Variants in LRSAM1 observed in about 807,000 individuals in gnomAD.
The protein encoded by LRSAM1 is leucine rich repeat and sterile alpha motif containing 1.
A neutral mutation model predicts 118.1 loss-of-function variants in LRSAM1; 96 were observed. The ratio of observed to expected loss-of-function variants is 0.81; its 90% CI spans 0.69 to 0.96. The LOEUF (loss-of-function observed/expected upper bound fraction) is 0.96, where lower values mean the gene tolerates loss of function less well. LRSAM1 is among the 40% of genes least tolerant of loss of function. The probability of loss-of-function intolerance (pLI) is 0.00; values close to 1 mark genes in which losing one functional copy is unlikely to be tolerated. For synonymous variants in LRSAM1, 322 were observed against 364.2 expected, an observed-to-expected ratio of 0.88 and a Z score of 1.32; for missense variants, 804 against 915.5, an observed-to-expected ratio of 0.88 and a Z score of 1.57.
rs924817522 is a variant in LRSAM1 at position 127,478,829 on chromosome 9, G to A, written c.751-105G>A. 5.4e-6 allele frequency: 6 copies of A among 1,119,128 alleles called. No homozygotes were observed. The African/African-American group carries it at 6.2e-5, about 11-fold the overall frequency. 69.3% of individuals were successfully genotyped at this position (1,119,128 alleles called of 1,614,324 possible). A position where few individuals can be genotyped will look rare whatever the true frequency, so the allele number is the denominator to read the frequency against. ...ATTCTGAGGCAGTGGTCTGGGGTGG[G>A]CCAGAGTTTGTATAACATCAGGCCA... On this transcript the variant is annotated intron_variant, in intron 11 of 25. Transcript: ENST00000300417.
intron 9 of LRSAM1, among the ~76,000 whole-genome samples, chr9:127,466,504 ATT>A (rs869115663): frequency 1.1e-3 from 28 of 24,504 alleles, no homozygotes; most frequent in African/African-American, 1.8e-3. Context: ...ATATATATAT[ATT>A]TTTTTTTTTT....
intron 22 of LRSAM1, among the ~76,000 whole-genome samples, 169 bp downstream of exon 22, chr9:127,495,587 T>TC (rs1288891297): frequency 1.3e-5 from 2 of 152,154 alleles, no homozygotes; most frequent in Admixed American, 1.3e-4. Flanking sequence ...AAGGGAGTGT[T>TC]CATTCTGGTG....
chr9:127,486,783 G>A (rs911041535), intron 17 of LRSAM1: 1 of 152,214 alleles, frequency 6.6e-6, no homozygotes. Context: ...TTTGATGAGT[G>A]TTGATGAGCA....
At chr9:127,476,213 C>G (rs1835345393) in intron 11 of LRSAM1, among the ~76,000 whole-genome samples, 1 of 152,204 alleles carries the variant, frequency 6.6e-6, no homozygotes, top group African/African-American at 2.4e-5. Flanking sequence ...GCCCCTGGGT[C>G]ATGTGCACAC....
intron 22 of LRSAM1, 133 bp from the exon 23 acceptor site, chr9:127,495,831 A>T: frequency 7.4e-7 from 1 of 1,351,602 alleles, no homozygotes; most frequent in African/African-American, 1.4e-5. Flanking sequence ...GTGCCTACCT[A>T]TGAGTTTTTG....
intron 23 of LRSAM1, among the ~76,000 whole-genome samples, chr9:127,496,383 A>G (rs1467451745): frequency 6.6e-6 from 1 of 152,138 alleles, no homozygotes; most frequent in Non-Finnish European, 1.5e-5. Context: ...GGCTTATCTG[A>G]TCCAGCCTCT....
chr9:127,490,186 C>T (rs1283924466), intron 19 of LRSAM1, among the ~76,000 whole-genome samples: 2 of 152,226 alleles, frequency 1.3e-5, no homozygotes, highest in Admixed American at 6.5e-5. Context: ...TGGGAGTACT[C>T]CTGCATCATG....
intron 16 of LRSAM1, among the ~76,000 whole-genome samples, chr9:127,484,853 G>C (rs1444822290): frequency 7.2e-6 from 1 of 139,756 alleles, no homozygotes; most frequent in African/African-American, 2.7e-5. Flanking sequence ...CTGTTGCCCA[G>C]GCTGGAGTGC....
intron 10 of LRSAM1, 137 bp from the exon 11 acceptor site, chr9:127,473,664 G>A (rs1031956273): frequency 1.0e-5 from 13 of 1,250,566 alleles, no homozygotes; most frequent in East Asian, 2.4e-5. Context: ...TGAAAAACAC[G>A]AAGCGCCCAG....
Position 127,457,505 on chromosome 9 carries a change from A to C in LRSAM1, c.252+112A>C, listed in dbSNP as rs540894306. ...GCATGTCAGAGGGGCCCAATCTACC[A>C]GTCAGTCTGGGATTTGATCAGTATG... On this transcript the variant is annotated intron_variant, in intron 6 of 25. Transcript: ENST00000300417. The C allele has an allele frequency of 2.0e-5, 19 of 959,770 alleles. No homozygotes were observed. In the African/African-American group the frequency reaches 2.9e-4, roughly 15 times the overall value. The allele number at this position is 959,770 out of a possible 1,614,324, so 59.5% of individuals were successfully genotyped here.
intron 24 of LRSAM1, 73 bp downstream of exon 24, chr9:127,497,407 T>C: frequency 1.2e-5 from 17 of 1,442,724 alleles, no homozygotes; most frequent in Non-Finnish European, 1.6e-5. Flanking sequence ...GGACAGTCAT[T>C]TGCTTACATT....
chr9:127,494,030 C>T (rs752953975), intron 21 of LRSAM1, among the ~76,000 whole-genome samples: 7 of 152,368 alleles, frequency 4.6e-5, no homozygotes, highest in Middle Eastern at 6.8e-3. Context: ...CCATCTCCTA[C>T]GCATCAGGTT....
intron 22 of LRSAM1, 36 bp downstream of exon 22, chr9:127,495,454 C>T (rs1339582200): frequency 1.9e-6 from 3 of 1,584,970 alleles, no homozygotes; most frequent in Non-Finnish European, 2.6e-6. Context: ...GCCAGGGAGC[C>T]CTGGGGACCT....
intron 19 of LRSAM1, among the ~76,000 whole-genome samples, chr9:127,490,459 AG>A (rs1387370930): frequency 6.6e-6 from 1 of 152,046 alleles, no homozygotes; most frequent in Non-Finnish European, 1.5e-5. Context: ...ACCCCTGCCC[AG>A]GGCTAAAATC....
In LRSAM1 at chr9:127,497,309, G is replaced by C. The variant is rs1251137482; in HGVS notation, c.1887G>C (p.Leu629=). 5 of 1,612,578 alleles carry C rather than the reference G, an allele frequency of 3.1e-6. No homozygotes were observed. The highest frequency in any genetic ancestry group is 4.2e-6 in the Non-Finnish European group (5 of 1,179,964). ...QHEILRRVQE[L]LDAARIQPEL... is the part of the protein sequence containing the mutation. The stretch of plus-strand genomic sequence containing the variant: ...AGATCCTCCGGAGAGTCCAGGAACT[G>C]CTGGATGCAGCCAGGATCCAGCCAG... The change falls in exon 24 of 26, where the codon CTG becomes CTC. Residue 629 remains leucine, a synonymous_variant. Coordinates refer to ENST00000300417, the MANE Select transcript of LRSAM1 (RefSeq NM_001005373.4).
chr9:127,474,009 TG>T, intron 11 of LRSAM1, 78 bp downstream of exon 11: 2 of 1,602,018 alleles, frequency 1.2e-6, no homozygotes, highest in Non-Finnish European at 1.7e-6. Context: ...GAGCTGGGAA[TG>T]GAAGGGGGCG....
At position 127,495,336 on chromosome 9, in the gene LRSAM1, A is replaced by G. The variant is rs1564281913; in HGVS notation, c.1616A>G (p.Lys539Arg). Reference sequence around the variant, plus strand: ...TCCTGGCAGACGGAGTTAGAAGCCAAAAGTGAAACCAGGCAGGAAAATTAC... The same window carrying G: ...TCCTGGCAGACGGAGTTAGAAGCCAGAAGTGAAACCAGGCAGGAAAATTAC... ...LREILTELEA[K>R]SETRQENYWL... The change falls in exon 22 of 26, where the codon AAA (lysine) becomes AGA (arginine). Residue 539 changes from lysine (K) to arginine (R), a missense_variant. By Grantham distance (26) the Lys-to-Arg change is conservative. Transcript: ENST00000300417. The G allele has an allele frequency of 1.2e-6, 2 of 1,614,092 alleles. No individual in the cohort carries two copies. The highest frequency in any genetic ancestry group is 1.3e-5 in the African/African-American group (1 of 75,070).
intron 14 of LRSAM1, 82 bp downstream of exon 14, chr9:127,480,060 C>T: frequency 6.3e-7 from 1 of 1,584,662 alleles, no homozygotes; most frequent in East Asian, 2.2e-5. Flanking sequence ...GTGTTTCTCC[C>T]TCACTGCCTC....
At chr9:127,454,951 A>C in intron 3 of LRSAM1, 47 bp from the exon 4 acceptor site, 1 of 1,570,714 alleles carries the variant, frequency 6.4e-7, no homozygotes, top group South Asian at 1.1e-5. Context: ...TCCACTCTGC[A>C]AAGGTGTTTT....
Sources: allele counts gnomAD v4.1 joint callset (sites outside exome capture counted in the v4.1 genomes callset), GRCh38; gene constraint gnomAD v4.1.1; transcripts MANE v1.5; gene names NCBI Gene and HGNC (gene_info 2026-07-23, HGNC 2026-07-21).